The following CDH23 variants were observed in gnomAD, a reference collection of about 807,000 sequenced individuals.
CDH23 encodes the protein cadherin related 23, also known as cadherin-23.
Under a neutral mutation model 317.1 loss-of-function variants are expected in CDH23, and 189 were observed. The ratio of observed to expected loss-of-function variants is 0.60; its 90% CI spans 0.53 to 0.67. The LOEUF (loss-of-function observed/expected upper bound fraction) is 0.67, where lower values mean the gene tolerates loss of function less well. CDH23 is among the 30% of genes least tolerant of loss of function. The pLI is 0.00. For missense variants in CDH23, 4,401 were observed against 4,592.4 expected (o/e 0.96, Z 1.20); for synonymous variants, 1,839 against 1,876.8 (o/e 0.98, Z 0.52).
At chr10:71,688,506 CCAGGGGTGGTGGAGT>C (rs1490739595) in intron 19 of CDH23, among the ~76,000 whole-genome samples, 45 of 132,772 alleles carry the variant, frequency 3.4e-4, no homozygotes, top group African/African-American at 1.3e-3. Context: ...GATGGTGGAG[CCAGGGGTGGTGGAGT>C]CAGGGGTGGT....
chr10:71,689,107 T>TCAGGGATGGTGGAGC (rs1865070578), intron 19 of CDH23, among the ~76,000 whole-genome samples: 2 of 20,824 alleles, frequency 9.6e-5, no homozygotes, highest in African/African-American at 2.7e-4. Context: ...GGTGGTGGAG[T>TCAGGGATGGTGGAGC]CAGGGGTGGT....
At chr10:71,735,087 G>A (rs957612063) in intron 34 of CDH23, among the ~76,000 whole-genome samples, 10 of 152,214 alleles carry the variant, frequency 6.6e-5, no homozygotes, top group Non-Finnish European at 1.2e-4. Flanking sequence ...GAGATTGCAG[G>A]CAGAAAGCCC....
At chr10:71,792,216 TTAATC>T (rs1189123996) in intron 47 of CDH23, among the ~76,000 whole-genome samples, 2 of 152,136 alleles carry the variant, frequency 1.3e-5, no homozygotes, top group African/African-American at 4.8e-5. Context: ...AAAAACCTAT[TTAATC>T]TAATCAATTA....
In CDH23 at chr10:71,577,920, A is replaced by T. The variant is rs920139926; in HGVS notation, c.760A>T (p.Thr254Ser). Residue 254 changes from threonine (T) to serine (S), a missense_variant, in exon 9 of 70, where the codon ACG becomes TCG. Physicochemically the swap from Thr to Ser is moderately conservative, Grantham distance 58 (BLOSUM62 1). This residue lies in a region of CDH23 where 3,068 missense variants were observed against 3,203.3 expected (regional missense o/e 0.96). Coordinates refer to ENST00000224721, the MANE Select transcript of CDH23 (RefSeq NM_022124.6). ...CCTCCTCTCTTCTGCCCAGGGCACGACGGTGCGCATCATCACCGCCATAGA... is the reference window on the plus strand; with the variant it reads ...CCTCCTCTCTTCTGCCCAGGGCACGTCGGTGCGCATCATCACCGCCATAGA... ...NIYEHSPPGT[T>S]VRIITAIDQD... The T allele has an allele frequency of 6.3e-7, 1 of 1,597,666 alleles. No individual in the cohort carries two copies. The highest frequency in any genetic ancestry group is 8.5e-7 in the Non-Finnish European group (1 of 1,171,932).
chr10:71,653,145 A>G (rs891361476), intron 14 of CDH23, among the ~76,000 whole-genome samples: 30 of 152,182 alleles, frequency 2.0e-4, no homozygotes, highest in African/African-American at 7.0e-4. Context: ...GGTCCAGCCC[A>G]GCCTCCCTCT....
chr10:71,659,538 G>A (rs1441955818), intron 14 of CDH23, among the ~76,000 whole-genome samples: 1 of 152,188 alleles, frequency 6.6e-6, no homozygotes, highest in Non-Finnish European at 1.5e-5. Flanking sequence ...CTTGTTTCTG[G>A]AGTGGCTCAA....
chr10:71,470,178 G>C (rs1277212832), intron 3 of CDH23, among the ~76,000 whole-genome samples: 2 of 152,168 alleles, frequency 1.3e-5, no homozygotes, highest in Non-Finnish European at 2.9e-5. Context: ...TTTTCAAAGT[G>C]GTTGTACCCT....
At chr10:71,651,555 A>G (rs1358592502) in intron 14 of CDH23, among the ~76,000 whole-genome samples, 2 of 148,884 alleles carry the variant, frequency 1.3e-5, no homozygotes, top group Non-Finnish European at 3.0e-5. Flanking sequence ...CCCTATCTCA[A>G]AAAAAAAAAA....
chr10:71,465,015 A>G (rs1200763714), intron 3 of CDH23, among the ~76,000 whole-genome samples: 2 of 152,144 alleles, frequency 1.3e-5, no homozygotes, highest in Non-Finnish European at 2.9e-5. Flanking sequence ...TTCTATCTCC[A>G]CTTATTTCAG....
At chr10:71,631,175 T>A (rs1228469750) in intron 11 of CDH23, among the ~76,000 whole-genome samples, 2 of 152,052 alleles carry the variant, frequency 1.3e-5, no homozygotes, top group Non-Finnish European at 2.9e-5. Flanking sequence ...GCCCGGAGAT[T>A]TAGGCTGCAG....
intron 6 of CDH23, among the ~76,000 whole-genome samples, chr10:71,515,174 G>A (rs774557837): frequency 6.6e-6 from 1 of 152,228 alleles, no homozygotes; most frequent in African/African-American, 2.4e-5. Context: ...TGGAGTCTCA[G>A]AGGTGGCTGT....
At chr10:71,604,179 G>A (rs1053208728) in intron 9 of CDH23, among the ~76,000 whole-genome samples, 3 of 152,228 alleles carry the variant, frequency 2.0e-5, no homozygotes, top group African/African-American at 7.2e-5. Flanking sequence ...CAACATGGGA[G>A]GCTGAGGCAG....
At chr10:71,695,356 C>A in intron 21 of CDH23, 62 bp from the exon 22 acceptor site, 2 of 1,185,672 alleles carry the variant, frequency 1.7e-6, no homozygotes, top group Non-Finnish European at 2.5e-6. Flanking sequence ...TTTCCCCTGG[C>A]AGGCCCTGCC....
At chr10:71,547,808 T>G (rs1223617940) in intron 6 of CDH23, among the ~76,000 whole-genome samples, 1 of 152,204 alleles carries the variant, frequency 6.6e-6, no homozygotes, top group Non-Finnish European at 1.5e-5. Flanking sequence ...GCTGAATCTA[T>G]GCCGTCTTTG....
At chr10:71,721,283 T>C (rs1008089290) in intron 28 of CDH23, among the ~76,000 whole-genome samples, 3 of 152,116 alleles carry the variant, frequency 2.0e-5, no homozygotes, top group Non-Finnish European at 4.4e-5. Flanking sequence ...TCTCAGGGAA[T>C]GGAGAGAGAA....
chr10:71,403,408 T>TTTCTTTCTCTTCCTTC (rs1320188460), intron 1 of CDH23, among the ~76,000 whole-genome samples: 2 of 57,112 alleles, frequency 3.5e-5, no homozygotes, highest in African/African-American at 1.3e-4. Context: ...TCTTTCTTTC[T>TTTCTTTCTCTTCCTTC]CTTCCTTCCT....
At chr10:71,510,888 A>G in intron 4 of CDH23, 66 bp from the exon 5 acceptor site, 1 of 1,535,538 alleles carries the variant, frequency 6.5e-7, no homozygotes, top group Non-Finnish European at 9.0e-7. Flanking sequence ...CGCCCCATTT[A>G]GGGCCCAGGA....
intron 14 of CDH23, among the ~76,000 whole-genome samples, chr10:71,665,771 C>T (rs12252258): frequency 0.18 from 26,796 of 152,182 alleles, 2,412 homozygotes; most frequent in South Asian, 0.2. Flanking sequence ...GTCCCACCCC[C>T]GAGCTCAGTG....
intron 31 of CDH23, 107 bp downstream of exon 31, chr10:71,730,711 A>G (rs1240555457): frequency 9.3e-6 from 14 of 1,500,838 alleles, no homozygotes; most frequent in Non-Finnish European, 1.3e-5. Context: ...CAGGCTCCCC[A>G]TTTAGCCATG....
Sources: allele counts gnomAD v4.1 joint callset (sites outside exome capture counted in the v4.1 genomes callset), GRCh38; gene constraint gnomAD v4.1.1; regional missense constraint gnomAD v4.1.1; transcripts MANE v1.5; gene names NCBI Gene and HGNC (gene_info 2026-07-23, HGNC 2026-07-21).